The following ESRRG variants were observed in gnomAD, a reference collection of about 807,000 sequenced individuals.
The protein encoded by ESRRG is estrogen-related receptor gamma.
Under a neutral mutation model 44.0 loss-of-function variants are expected in ESRRG, and 13 were observed. The ratio of observed to expected loss-of-function variants is 0.30; its 90% CI spans 0.19 to 0.47. ESRRG has a LOEUF of 0.47. ESRRG is among the 20% of genes least tolerant of loss of function. ESRRG has a pLI of 1.00. For missense variants in ESRRG, 395 were observed against 580.6 expected (o/e 0.68, Z 3.29); for synonymous variants, 215 against 214.6 (o/e 1.00, Z -0.02).
intron 2 of ESRRG, among the ~76,000 whole-genome samples, chr1:216,914,548 T>G (rs2060898900): frequency 6.6e-6 from 1 of 152,304 alleles, no homozygotes; most frequent in Non-Finnish European, 1.5e-5. Flanking sequence ...AAAAAAAGAC[T>G]TTGACCATGT....
At chr1:216,634,103 A>G (rs1027693404) in intron 3 of ESRRG, among the ~76,000 whole-genome samples, 5 of 152,328 alleles carry the variant, frequency 3.3e-5, no homozygotes, top group African/African-American at 4.8e-5. Flanking sequence ...ATAGATCTAC[A>G]TAGAACTATA....
At chr1:216,681,392 C>T (rs2077000398) in intron 1 of ESRRG, among the ~76,000 whole-genome samples, 1 of 152,006 alleles carries the variant, frequency 6.6e-6, no homozygotes, top group African/African-American at 2.4e-5. Context: ...GTGCTGCACC[C>T]ATTAACTCGT....
chr1:216,785,159 AG>A (rs1215871390), intron 2 of ESRRG, among the ~76,000 whole-genome samples: 1 of 152,114 alleles, frequency 6.6e-6, no homozygotes, highest in Non-Finnish European at 1.5e-5. Context: ...GTGACACAAA[AG>A]CTAGCAATAT....
intron 2 of ESRRG, among the ~76,000 whole-genome samples, chr1:216,891,954 G>A (rs538843462): frequency 6.6e-6 from 1 of 151,904 alleles, no homozygotes; most frequent in African/African-American, 2.4e-5. Context: ...CAACAGGCAT[G>A]TGCCAGCATG....
chr1:216,876,591 T>G (rs887999944), intron 2 of ESRRG, among the ~76,000 whole-genome samples: 3 of 152,178 alleles, frequency 2.0e-5, no homozygotes, highest in Non-Finnish European at 4.4e-5. Flanking sequence ...AATATCATTT[T>G]TGTCATACCT....
intron 1 of ESRRG, among the ~76,000 whole-genome samples, chr1:216,680,074 A>G (rs1463111658): frequency 6.6e-6 from 1 of 152,228 alleles, no homozygotes; most frequent in Non-Finnish European, 1.5e-5. Flanking sequence ...GGAGCCATAC[A>G]TGAAAGTGAA....
At chr1:216,542,036 T>C (rs535960059) in intron 5 of ESRRG, among the ~76,000 whole-genome samples, 168 of 151,400 alleles carry the variant, frequency 1.1e-3, no homozygotes, top group African/African-American at 3.7e-3. Context: ...GAAATGGATA[T>C]ACTACATTCT....
At chr1:216,561,855 A>G (rs1367306499) in intron 5 of ESRRG, among the ~76,000 whole-genome samples, 2 of 152,164 alleles carry the variant, frequency 1.3e-5, no homozygotes, top group African/African-American at 4.8e-5. Flanking sequence ...GACATTTGCT[A>G]TAGAGAGAGA....
chr1:216,677,471 T>C lies in ESRRG; in HGVS notation c.77A>G (p.Asn26Ser). The part of the protein sequence containing the change: ...YEEELLCRMS[N>S]KDRHIDSSCS... ...GCTGGAATCAATGTGTCGATCTTTG[T>C]TTGACATTCTGCAGAGAAGCCTGAG... The change falls in exon 2 of 7, where the codon AAC becomes AGC. Residue 26 changes from asparagine (N) to serine (S), a missense_variant. This residue lies in a region of ESRRG where 148 missense variants were observed against 150.4 expected (regional missense o/e 0.98). Coordinates refer to ENST00000408911, the MANE Select transcript of ESRRG (RefSeq NM_001438.4). The C allele has an allele frequency of 6.2e-7, 1 of 1,610,180 alleles. No individual in the cohort carries two copies. Among genetic ancestry groups the C allele is most frequent in the Non-Finnish European group, 8.5e-7 (1 of 1,177,468 alleles).
intron 1 of ESRRG, among the ~76,000 whole-genome samples, chr1:217,072,056 G>A (rs1382115746): frequency 6.6e-6 from 1 of 152,182 alleles, no homozygotes; most frequent in Non-Finnish European, 1.5e-5. Flanking sequence ...AATGGGTGCA[G>A]TTGCACTTAT....
chr1:216,980,146 T>C (rs1047491925), intron 1 of ESRRG, among the ~76,000 whole-genome samples: 2 of 152,218 alleles, frequency 1.3e-5, no homozygotes, highest in Admixed American at 6.5e-5. Context: ...ATCCTACTTT[T>C]TCTTGTTTTA....
At position 217,012,235 on chromosome 1, in the gene ESRRG, T is replaced by C. The variant is rs1300700207; in HGVS notation, c.-105-72562A>G. ...TGGCCCGTCTTCTGAGAAACCCATC[T>C]ATTTCTACAGCACTTAGGACTTTTT... is the stretch of plus-strand genomic sequence containing the variant. On this transcript the variant is annotated intron_variant, in intron 1 of 7. Coordinates refer to the ESRRG transcript ENST00000359162. 2.0e-5 allele frequency among the ~76,000 whole-genome samples: 3 copies of C among 152,224 alleles called. No individual in the cohort carries two copies. The East Asian group carries it at 5.8e-4, about 29-fold the overall frequency.
At chr1:216,526,456 C>T (rs754397774) in intron 5 of ESRRG, among the ~76,000 whole-genome samples, 17 of 152,052 alleles carry the variant, frequency 1.1e-4, no homozygotes, top group Admixed American at 5.2e-4. Context: ...ATGCTTGAGG[C>T]CACCAGAAGC....
At chr1:216,907,295 C>T (rs2059793475) in intron 2 of ESRRG, among the ~76,000 whole-genome samples, 1 of 152,196 alleles carries the variant, frequency 6.6e-6, no homozygotes, top group Non-Finnish European at 1.5e-5. Context: ...GCAACTCATC[C>T]CACTGCTGGT....
intron 1 of ESRRG, among the ~76,000 whole-genome samples, chr1:216,684,069 T>C (rs1262286182): frequency 6.6e-6 from 1 of 152,202 alleles, no homozygotes; most frequent in Non-Finnish European, 1.5e-5. Flanking sequence ...TAAGATCGAC[T>C]AAACTAATTA....
At chr1:217,133,433 C>T (rs1211726207) in intron 1 of ESRRG, among the ~76,000 whole-genome samples, 2 of 152,244 alleles carry the variant, frequency 1.3e-5, no homozygotes, top group Non-Finnish European at 2.9e-5. Flanking sequence ...CTCGGGCCTT[C>T]TCCAACTTTG....
intron 3 of ESRRG, among the ~76,000 whole-genome samples, chr1:216,646,315 C>A (rs1281354664): frequency 2.6e-5 from 4 of 152,064 alleles, no homozygotes; most frequent in Admixed American, 1.3e-4. Context: ...CAAAGGATAA[C>A]AAATTACATG....
At chr1:216,757,996 G>C (rs1274959778) in intron 2 of ESRRG, among the ~76,000 whole-genome samples, 2 of 152,000 alleles carry the variant, frequency 1.3e-5, no homozygotes, top group Admixed American at 6.6e-5. Context: ...CATTAAAAAA[G>C]AAGAGGAAGA....
At chr1:217,001,498 T>C (rs1328240537) in intron 1 of ESRRG, among the ~76,000 whole-genome samples, 2 of 152,194 alleles carry the variant, frequency 1.3e-5, no homozygotes, top group African/African-American at 4.8e-5. Context: ...CTGTTTTAGG[T>C]TTAAATAGGG....
Sources: allele counts gnomAD v4.1 joint callset (sites outside exome capture counted in the v4.1 genomes callset), GRCh38; gene constraint gnomAD v4.1.1; regional missense constraint gnomAD v4.1.1; transcripts MANE v1.5; gene names NCBI Gene and HGNC (gene_info 2026-07-23, HGNC 2026-07-21).